The following LSAMP variants were observed in gnomAD, a reference collection of about 807,000 sequenced individuals.
The protein encoded by LSAMP is limbic system associated membrane protein.
In LSAMP, 7 loss-of-function variants were observed where a neutral mutation model predicts 38.6. The ratio of observed to expected loss-of-function variants is 0.18; its 90% CI spans 0.10 to 0.34. The LOEUF (loss-of-function observed/expected upper bound fraction) is 0.34, where lower values mean the gene tolerates loss of function less well. LSAMP is among the 10% of genes least tolerant of loss of function. LSAMP has a pLI of 1.00. For synonymous variants in LSAMP, 154 were observed against 166.8 expected (o/e 0.92, Z 0.59); for missense variants, 313 against 420.0 (o/e 0.75, Z 2.23).
intron 1 of LSAMP, among the ~76,000 whole-genome samples, chr3:116,271,406 T>A (rs1490452878): frequency 2.6e-5 from 4 of 152,024 alleles, no homozygotes; most frequent in African/African-American, 9.7e-5. Flanking sequence ...AGATTATATT[T>A]CTGTGGTGTA....
At chr3:116,237,741 C>A (rs974755461) in intron 1 of LSAMP, among the ~76,000 whole-genome samples, 4 of 152,082 alleles carry the variant, frequency 2.6e-5, no homozygotes, top group Non-Finnish European at 5.9e-5. Context: ...TCTTATTGAC[C>A]AGGACTCAAA....
chr3:116,101,981 T>C (rs189115389), intron 1 of LSAMP, among the ~76,000 whole-genome samples: 147 of 152,338 alleles, frequency 9.6e-4, no homozygotes, highest in African/African-American at 3.4e-3. Flanking sequence ...TAGATCATAA[T>C]CAGTTTTCTC....
chr3:116,376,494 C>T (rs923718062), intron 1 of LSAMP, among the ~76,000 whole-genome samples: 1 of 152,014 alleles, frequency 6.6e-6, no homozygotes, highest in Non-Finnish European at 1.5e-5. Flanking sequence ...ACCCCACAAA[C>T]ACTTCAAGAA....
chr3:116,190,629 G>A (rs1014747300), intron 1 of LSAMP, among the ~76,000 whole-genome samples: 1 of 152,116 alleles, frequency 6.6e-6, no homozygotes, highest in Admixed American at 6.5e-5. Flanking sequence ...CATAGACAGT[G>A]GAAAGCTACA....
At chr3:116,206,663 C>G (rs2046074081) in intron 1 of LSAMP, among the ~76,000 whole-genome samples, 2 of 151,760 alleles carry the variant, frequency 1.3e-5, no homozygotes, top group East Asian at 1.9e-4. Flanking sequence ...CGTTATGTAT[C>G]CAGTAGTCAT....
At chr3:116,078,672 T>TAATA (rs1268642873) in intron 2 of LSAMP, among the ~76,000 whole-genome samples, 1 of 152,220 alleles carries the variant, frequency 6.6e-6, no homozygotes, top group African/African-American at 2.4e-5. Flanking sequence ...ATCAGAATTG[T>TAATA]AATATATTGT....
chr3:115,910,409 A>G (rs1344679463), intron 3 of LSAMP, among the ~76,000 whole-genome samples: 2 of 152,188 alleles, frequency 1.3e-5, no homozygotes, highest in Non-Finnish European at 2.9e-5. Flanking sequence ...GTGTTTTAAT[A>G]TAAGTAATGC....
intron 1 of LSAMP, among the ~76,000 whole-genome samples, chr3:116,414,546 G>A (rs1031422859): frequency 6.6e-6 from 1 of 152,016 alleles, no homozygotes; most frequent in Admixed American, 6.6e-5. Context: ...ATCGTCCAAC[G>A]TTTGGTTCTT....
chr3:116,326,042 T>C (rs147938019), intron 1 of LSAMP, among the ~76,000 whole-genome samples: 242 of 152,286 alleles, frequency 1.6e-3, no homozygotes, highest in African/African-American at 5.5e-3. Context: ...ATTCTACCCA[T>C]ATTTGAACAC....
intron 1 of LSAMP, among the ~76,000 whole-genome samples, chr3:116,434,078 T>G (rs1002983458): frequency 6.6e-6 from 1 of 152,200 alleles, no homozygotes; most frequent in African/African-American, 2.4e-5. Flanking sequence ...ACCGTACCAA[T>G]AATCAGAGAA....
At chr3:116,202,199 A>G (rs2045997417) in intron 1 of LSAMP, among the ~76,000 whole-genome samples, 1 of 150,966 alleles carries the variant, frequency 6.6e-6, no homozygotes, top group African/African-American at 2.4e-5. Context: ...GTTGTGGGGC[A>G]ATATCATCTC....
intron 1 of LSAMP, among the ~76,000 whole-genome samples, chr3:116,353,090 T>C (rs910885911): frequency 4.6e-5 from 7 of 152,104 alleles, no homozygotes; most frequent in Non-Finnish European, 1.0e-4. Context: ...GTGGAAGTGA[T>C]TAGCTAGGAT....
intron 3 of LSAMP, among the ~76,000 whole-genome samples, chr3:115,974,772 G>T (rs192551976): frequency 8.1e-4 from 124 of 152,246 alleles, no homozygotes; most frequent in Middle Eastern, 3.4e-3. Flanking sequence ...TATTAACAGT[G>T]TGGAGTTTTT....
intron 1 of LSAMP, among the ~76,000 whole-genome samples, chr3:116,330,191 C>A (rs542723935): frequency 2.0e-5 from 3 of 152,112 alleles, no homozygotes; most frequent in Non-Finnish European, 4.4e-5. Context: ...TATTTTGGAA[C>A]ACTGGAGTCT....
chr3:115,870,162 A>G (rs1384408772), intron 3 of LSAMP, among the ~76,000 whole-genome samples: 5 of 152,138 alleles, frequency 3.3e-5, no homozygotes, highest in African/African-American at 1.2e-4. Context: ...TTCAGTTACA[A>G]TGACAGAATT....
At chr3:116,400,706 G>A (rs1203563357) in intron 1 of LSAMP, among the ~76,000 whole-genome samples, 4 of 152,094 alleles carry the variant, frequency 2.6e-5, no homozygotes, top group African/African-American at 9.7e-5. Context: ...TCAAACTCCT[G>A]ACCTCAGGTG....
chr3:116,246,522 C>A (rs2046607723), intron 1 of LSAMP, among the ~76,000 whole-genome samples: 1 of 152,150 alleles, frequency 6.6e-6, no homozygotes, highest in Admixed American at 6.5e-5. Flanking sequence ...CTATAGCAGG[C>A]AAATGCCAGT....
Position 115,804,649 on chromosome 3 carries a change from T to A in LSAMP, c.*5668A>T, listed in dbSNP as rs541175985. 3 of 152,302 alleles carry A rather than the reference T, an allele frequency of 2.0e-5. No individual in the cohort carries two copies. The South Asian group carries it at 6.2e-4, about 32-fold the overall frequency. 9.4% of individuals were successfully genotyped at this position (152,302 alleles called of 1,614,324 possible). ...AGCCTGAAGTTAATTTGACCTAAAA[T>A]TTTTATAAGTCTTTGCAGAAAGTTC... On this transcript the variant is annotated 3_prime_UTR_variant, in exon 7 of 7. Coordinates refer to ENST00000490035, the MANE Select transcript of LSAMP (RefSeq NM_002338.5).
chr3:115,897,056 G>C (rs917768127), intron 3 of LSAMP, among the ~76,000 whole-genome samples: 1 of 152,064 alleles, frequency 6.6e-6, no homozygotes, highest in Non-Finnish European at 1.5e-5. Context: ...GATGGGGAAG[G>C]AATAAGAAGC....
Sources: gnomAD v4.1 joint callset for allele counts (sites outside exome capture counted in the v4.1 genomes callset) on GRCh38, gnomAD v4.1.1 for gene constraint, MANE v1.5 for transcripts, NCBI Gene and HGNC (gene_info 2026-07-23, HGNC 2026-07-21) for gene names.